FAF1: variants seen among roughly 807,000 people sequenced by gnomAD.
FAF1 encodes the protein FAS-associated factor 1.
FAF1 carries 25 observed loss-of-function variants against 92.5 expected under a neutral mutation model. That is an observed-to-expected ratio of 0.27 (90% CI 0.20 to 0.38). The LOEUF (loss-of-function observed/expected upper bound fraction) is 0.38. Ranked by LOEUF, FAF1 falls within the 10% of genes least tolerant of loss-of-function variation. The pLI is 1.00. For missense variants in FAF1, 636 were observed against 793.3 expected, an observed-to-expected ratio of 0.80 and a Z score of 2.38; for synonymous variants, 234 against 273.2, an observed-to-expected ratio of 0.86 and a Z score of 1.42.
intron 18 of FAF1, among the ~76,000 whole-genome samples, chr1:50,472,600 T>TG (rs1386940782): frequency 6.6e-6 from 1 of 152,072 alleles, no homozygotes; most frequent in Non-Finnish European, 1.5e-5. Flanking sequence ...TTGTTTTGGT[T>TG]GGGGGCGGGT....
intron 1 of FAF1, among the ~76,000 whole-genome samples, chr1:50,931,341 T>G (rs1275552038): frequency 6.6e-6 from 1 of 152,224 alleles, no homozygotes. Context: ...TCTTTAGGGT[T>G]GAGCATATGT....
intron 8 of FAF1, among the ~76,000 whole-genome samples, chr1:50,627,832 A>T (rs1402723534): frequency 7.2e-6 from 1 of 139,768 alleles, no homozygotes; most frequent in East Asian, 1.9e-4. Flanking sequence ...TTTCAACAAA[A>T]CATTTTTTTT....
At chr1:50,930,494 A>G (rs148380968) in intron 1 of FAF1, among the ~76,000 whole-genome samples, 12 of 152,338 alleles carry the variant, frequency 7.9e-5, no homozygotes, top group African/African-American at 2.6e-4. Context: ...GTTCTCACTC[A>G]TACAATGGTA....
intron 4 of FAF1, among the ~76,000 whole-genome samples, chr1:50,748,654 C>T (rs1438886705): frequency 6.6e-6 from 1 of 152,184 alleles, no homozygotes; most frequent in Non-Finnish European, 1.5e-5. Flanking sequence ...CAGCTGATTT[C>T]TGGCACTACA....
At chr1:50,598,333 C>G (rs1438532132) in intron 8 of FAF1, among the ~76,000 whole-genome samples, 1 of 151,716 alleles carries the variant, frequency 6.6e-6, no homozygotes, top group Non-Finnish European at 1.5e-5. Context: ...CATGGTGGAA[C>G]ACACCCATAG....
In FAF1 at chr1:50,651,031, T is replaced by C. The variant is rs376648071; in HGVS notation, c.744+4411A>G. 1.8e-4 allele frequency among the ~76,000 whole-genome samples: 27 copies of C among 152,252 alleles called. No individual in the cohort carries two copies. The East Asian group carries it at 4.6e-3, about 26-fold the overall frequency. On this transcript the variant is annotated intron_variant, in intron 8 of 18. Coordinates refer to ENST00000396153, the MANE Select transcript of FAF1 (RefSeq NM_007051.3). ...AACTCTGAAGGGAGATGGGCAACAA[T>C]GTTGTAAATGAGTGTTGACTTCACT...
At chr1:50,470,917 T>C (rs189298352) in intron 18 of FAF1, 1 of 152,244 alleles carries the variant, frequency 6.6e-6, no homozygotes, top group African/African-American at 2.4e-5. Flanking sequence ...TATAATACTT[T>C]CCGTTATCAC....
chr1:50,895,284 A>G (rs1644749789), intron 1 of FAF1, among the ~76,000 whole-genome samples: 1 of 152,178 alleles, frequency 6.6e-6, no homozygotes, highest in South Asian at 2.1e-4. Context: ...GGCAATTTCT[A>G]AACTCATACC....
At chr1:50,567,973 T>C (rs569669467) in intron 12 of FAF1, among the ~76,000 whole-genome samples, 1 of 152,236 alleles carries the variant, frequency 6.6e-6, no homozygotes, top group South Asian at 2.1e-4. Flanking sequence ...TAAATGTGTC[T>C]TCTGTCATAG....
chr1:50,860,023 C>A (rs1219788060), intron 1 of FAF1, among the ~76,000 whole-genome samples: 1 of 151,622 alleles, frequency 6.6e-6, no homozygotes, highest in Non-Finnish European at 1.5e-5. Context: ...ATTGAATAAA[C>A]AAACAGTGCT....
chr1:50,775,758 G>A (rs1003231002), intron 4 of FAF1, among the ~76,000 whole-genome samples: 14 of 148,956 alleles, frequency 9.4e-5, no homozygotes, highest in Middle Eastern at 3.4e-3. Context: ...AAAGGGGGAC[G>A]AAAAAAAAAG....
chr1:50,506,416 T>A (rs368209670), intron 15 of FAF1, among the ~76,000 whole-genome samples: 1 of 152,102 alleles, frequency 6.6e-6, no homozygotes, highest in Non-Finnish European at 1.5e-5. Context: ...TGTCCATCCT[T>A]TATCCTTGGC....
chr1:50,959,619 C>T (rs1320457572), intron 1 of FAF1, 148 bp downstream of exon 1: 2 of 522,988 alleles, frequency 3.8e-6, no homozygotes, highest in African/African-American at 2.0e-5. Flanking sequence ...CTCCATAGCT[C>T]GCCACACACA....
chr1:50,500,741 C>A (rs1646973831), intron 15 of FAF1, among the ~76,000 whole-genome samples: 1 of 151,830 alleles, frequency 6.6e-6, no homozygotes, highest in Middle Eastern at 3.4e-3. Flanking sequence ...ATCATGTGTA[C>A]CCCATAAATA....
intron 1 of FAF1, among the ~76,000 whole-genome samples, chr1:50,871,569 C>A (rs1021177636): frequency 1.3e-5 from 2 of 152,190 alleles, no homozygotes; most frequent in African/African-American, 4.8e-5. Context: ...CTAAATGGAA[C>A]AACAAAGCCT....
At chr1:50,503,319 T>C (rs1149794) in intron 15 of FAF1, among the ~76,000 whole-genome samples, 1 of 152,180 alleles carries the variant, frequency 6.6e-6, no homozygotes, top group African/African-American at 2.4e-5. Flanking sequence ...CCATAAAAAA[T>C]TGTATAGATA....
At chr1:50,884,358 A>G (rs1644639212) in intron 1 of FAF1, among the ~76,000 whole-genome samples, 2 of 151,502 alleles carry the variant, frequency 1.3e-5, no homozygotes, top group South Asian at 4.2e-4. Context: ...TACTAAAAAA[A>G]AAGAAAAAAA....
chr1:50,524,057 T>G (rs938320895), intron 15 of FAF1, among the ~76,000 whole-genome samples: 5 of 152,026 alleles, frequency 3.3e-5, no homozygotes, highest in South Asian at 2.1e-4. Flanking sequence ...AGCATCTATT[T>G]TTTTTTTTTG....
At position 50,670,339 on chromosome 1, in the gene FAF1, G is replaced by C. The variant is rs1219347659; in HGVS notation, c.658-14811C>G. Among the ~76,000 whole-genome samples, 18 of 151,826 alleles carry C rather than the reference G, an allele frequency of 1.2e-4. No homozygotes were observed. In the East Asian group the frequency reaches 3.5e-3, roughly 30 times the overall value. On this transcript the variant is annotated intron_variant, in intron 7 of 18. Coordinates refer to ENST00000396153, the MANE Select transcript of FAF1 (RefSeq NM_007051.3). ...CTGGATTCAAACAATCTGCCTACCT[G>C]CACCTCCCAAAGTGCTGGGATTACA...
Sources: allele counts gnomAD v4.1 joint callset (sites outside exome capture counted in the v4.1 genomes callset), GRCh38; gene constraint gnomAD v4.1.1; transcripts MANE v1.5; gene names NCBI Gene and HGNC (gene_info 2026-07-23, HGNC 2026-07-21).